Variants in CNTNAP2 observed in about 807,000 individuals in gnomAD.
The protein encoded by CNTNAP2 is contactin associated protein 2, also known as contactin-associated protein-like 2.
A neutral mutation model predicts 155.2 loss-of-function variants in CNTNAP2; 98 were observed. The observed-to-expected ratio is 0.63, with a 90% CI of 0.54 to 0.75. CNTNAP2 has a LOEUF of 0.75. CNTNAP2 is among the 30% of genes least tolerant of loss of function. CNTNAP2 has a pLI of 0.00. For synonymous variants in CNTNAP2, 651 were observed against 631.2 expected (o/e 1.03, Z -0.47); for missense variants, 1,727 against 1,688.1 (o/e 1.02, Z -0.40).
At chr7:148,313,581 T>C (rs2116522219) in intron 21 of CNTNAP2, among the ~76,000 whole-genome samples, 1 of 152,230 alleles carries the variant, frequency 6.6e-6, no homozygotes, top group Middle Eastern at 3.4e-3. Context: ...TTGGAGTTCT[T>C]GTGTGCTGGA....
chr7:147,822,736 A>G (rs1245726215), intron 13 of CNTNAP2, among the ~76,000 whole-genome samples: 1 of 152,160 alleles, frequency 6.6e-6, no homozygotes, highest in Non-Finnish European at 1.5e-5. Context: ...TGGATGTTTC[A>G]AAGTTGGATG....
At chr7:147,309,853 C>T (rs1231471537) in intron 9 of CNTNAP2, among the ~76,000 whole-genome samples, 1 of 151,812 alleles carries the variant, frequency 6.6e-6, no homozygotes, top group Non-Finnish European at 1.5e-5. Flanking sequence ...AAGCATAGTA[C>T]CATATAAGTA....
chr7:148,172,362 G>A lies in CNTNAP2; in HGVS notation c.2894G>A (p.Gly965Asp), dbSNP rs762274260. 2 of 1,614,122 alleles carry A rather than the reference G, an allele frequency of 1.2e-6. No individual in the cohort carries two copies. Among genetic ancestry groups the A allele is most frequent in the Non-Finnish European group, 8.5e-7 (1 of 1,180,034 alleles). Residue 965 changes from glycine to aspartate, a missense_variant, in exon 18 of 24, where the codon GGC becomes GAC. Coordinates refer to ENST00000361727, the MANE Select transcript of CNTNAP2 (RefSeq NM_014141.6). ...TCTGGGTTCATATCCGGATGCTCGGGCCATTGCACCAGCTATGGAACAAAC... is the reference window on the plus strand; with the variant it reads ...TCTGGGTTCATATCCGGATGCTCGGACCATTGCACCAGCTATGGAACAAAC... ...VTSGFISGCSGHCTSYGTNCE... is the reference protein window; with the variant it reads ...VTSGFISGCSDHCTSYGTNCE...
At chr7:147,404,161 A>G (rs1232272516) in intron 10 of CNTNAP2, among the ~76,000 whole-genome samples, 1 of 152,174 alleles carries the variant, frequency 6.6e-6, no homozygotes, top group African/African-American at 2.4e-5. Context: ...GGGGGCAGAA[A>G]GTCTCCCAGA....
chr7:146,754,252 C>T (rs1379772516), intron 1 of CNTNAP2, among the ~76,000 whole-genome samples: 2 of 151,826 alleles, frequency 1.3e-5, no homozygotes, highest in Admixed American at 1.3e-4. Flanking sequence ...GAGTCAAACT[C>T]GTAAAGAAAA....
At chr7:147,886,537 G>A (rs145120895) in intron 13 of CNTNAP2, among the ~76,000 whole-genome samples, 4,991 of 137,622 alleles carry the variant, frequency 0.036, 141 homozygotes, top group Non-Finnish European at 0.055. Context: ...TCTTGAAGTC[G>A]TAAGTCCCAT....
chr7:148,067,696 T>C (rs528860168), intron 15 of CNTNAP2, among the ~76,000 whole-genome samples: 7 of 152,310 alleles, frequency 4.6e-5, no homozygotes, highest in Middle Eastern at 3.4e-3. Context: ...AGGTGATGGG[T>C]TGGACCATAG....
chr7:147,697,567 G>A (rs1047738140), intron 13 of CNTNAP2, among the ~76,000 whole-genome samples: 12 of 152,082 alleles, frequency 7.9e-5, no homozygotes, highest in Non-Finnish European at 1.3e-4. Context: ...ATAGTGATAC[G>A]TTGTGGGGGA....
chr7:147,706,573 G>T (rs1168037451), intron 13 of CNTNAP2, among the ~76,000 whole-genome samples: 1 of 151,980 alleles, frequency 6.6e-6, no homozygotes, highest in Non-Finnish European at 1.5e-5. Context: ...CTTTGTCTTT[G>T]ACTTTTGACA....
chr7:147,557,311 GC>G (rs1410637772), intron 11 of CNTNAP2, among the ~76,000 whole-genome samples: 1 of 151,982 alleles, frequency 6.6e-6, no homozygotes, highest in Non-Finnish European at 1.5e-5. Flanking sequence ...CTAAATTTTT[GC>G]ATGCTATGAA....
At chr7:146,233,104 A>G (rs1009942346) in intron 1 of CNTNAP2, among the ~76,000 whole-genome samples, 22 of 152,176 alleles carry the variant, frequency 1.4e-4, no homozygotes, top group African/African-American at 5.3e-4. Flanking sequence ...ATCCTATCAA[A>G]TGAGTAATAA....
intron 2 of CNTNAP2, among the ~76,000 whole-genome samples, chr7:146,826,270 G>C (rs905111545): frequency 1.3e-5 from 2 of 151,844 alleles, no homozygotes; most frequent in Non-Finnish European, 2.9e-5. Context: ...GCTGTTTTTT[G>C]CACAAAATGC....
At chr7:147,566,109 T>G (rs1344891491) in intron 12 of CNTNAP2, among the ~76,000 whole-genome samples, 1 of 134,432 alleles carries the variant, frequency 7.4e-6, no homozygotes, top group East Asian at 2.1e-4. Flanking sequence ...GGTGAGACCC[T>G]ATCTCTACCA....
chr7:147,640,463 T>C (rs1364186489), intron 13 of CNTNAP2, among the ~76,000 whole-genome samples: 1 of 152,156 alleles, frequency 6.6e-6, no homozygotes, highest in Non-Finnish European at 1.5e-5. Flanking sequence ...CTTAAGGACA[T>C]GATAAGTAGC....
intron 8 of CNTNAP2, among the ~76,000 whole-genome samples, chr7:147,196,876 T>C (rs1012375866): frequency 1.3e-5 from 2 of 152,104 alleles, no homozygotes; most frequent in Non-Finnish European, 2.9e-5. Flanking sequence ...AGTGTGATCC[T>C]CAAGATTTGC....
chr7:146,805,588 A>C (rs144189830), intron 2 of CNTNAP2, among the ~76,000 whole-genome samples: 2 of 152,310 alleles, frequency 1.3e-5, no homozygotes, highest in African/African-American at 2.4e-5. Flanking sequence ...GAACAGCAAG[A>C]GGGAGGGATG....
chr7:147,171,299 AT>A (rs746069236), intron 8 of CNTNAP2, among the ~76,000 whole-genome samples: 6 of 152,064 alleles, frequency 3.9e-5, no homozygotes, highest in Admixed American at 6.6e-5. Context: ...CACATTCGGT[AT>A]TTTCTCTCTG....
chr7:147,895,272 C>G (rs1219996269), intron 13 of CNTNAP2, among the ~76,000 whole-genome samples: 1 of 152,062 alleles, frequency 6.6e-6, no homozygotes, highest in Non-Finnish European at 1.5e-5. Context: ...CCGCGCCCAG[C>G]TTATTGGTTT....
chr7:147,491,427 G>A (rs6961608), intron 11 of CNTNAP2, among the ~76,000 whole-genome samples: 43,647 of 151,954 alleles, frequency 0.29, 6,406 homozygotes, highest in East Asian at 0.43. Context: ...GCTTTCCATG[G>A]CCCTGTAGTT....
Sources: gnomAD v4.1 joint callset for allele counts (sites outside exome capture counted in the v4.1 genomes callset) on GRCh38, gnomAD v4.1.1 for gene constraint, MANE v1.5 for transcripts, NCBI Gene and HGNC (gene_info 2026-07-23, HGNC 2026-07-21) for gene names.